SFI1: variants seen among roughly 807,000 people sequenced by gnomAD.
SFI1 encodes the protein protein SFI1 homolog.
SFI1 carries 195 observed loss-of-function variants against 207.5 expected under a neutral mutation model. That is an observed-to-expected ratio of 0.94 (90% confidence interval 0.84 to 1.06). The LOEUF (loss-of-function observed/expected upper bound fraction) is 1.06. Ranked by LOEUF, SFI1 falls within the 50% of genes least tolerant of loss-of-function variation. SFI1 has a pLI of 0.00. For missense variants in SFI1, 1,634 were observed against 1,588.0 expected (o/e 1.03, Z -0.49); for synonymous variants, 630 against 598.9 (o/e 1.05, Z -0.76).
intron 14 of SFI1, among the ~76,000 whole-genome samples, chr22:31,586,398 G>A (rs1452060953): frequency 6.6e-6 from 1 of 152,168 alleles, no homozygotes; most frequent in Admixed American, 6.5e-5. Context: ...CTTGGCATGG[G>A]ATATGTGCTA....
At chr22:31,591,532 C>T (rs1345690490) in intron 15 of SFI1, among the ~76,000 whole-genome samples, 2 of 149,070 alleles carry the variant, frequency 1.3e-5, no homozygotes, top group Non-Finnish European at 3.0e-5. Context: ...CCTCACTTCC[C>T]AGTAGGGGTG....
chr22:31,509,803 T>C (rs2055222617), intron 2 of SFI1, among the ~76,000 whole-genome samples: 1 of 152,192 alleles, frequency 6.6e-6, no homozygotes, highest in African/African-American at 2.4e-5. Context: ...TGGTCTTTTA[T>C]TTTTCTTTTT....
chr22:31,558,491 T>C (rs947487288), intron 7 of SFI1, among the ~76,000 whole-genome samples: 1 of 151,700 alleles, frequency 6.6e-6, no homozygotes, highest in Admixed American at 6.6e-5. Flanking sequence ...TTTTATGAGA[T>C]GGAGTCTCAC....
chr22:31,539,274 A>T (rs1257885970), intron 4 of SFI1, among the ~76,000 whole-genome samples: 2 of 152,046 alleles, frequency 1.3e-5, no homozygotes. Flanking sequence ...GTATCTTCTC[A>T]GGAGGTAGTC....
chr22:31,561,561 A>G (rs1410390769), intron 8 of SFI1, among the ~76,000 whole-genome samples, 169 bp downstream of exon 8: 1 of 152,198 alleles, frequency 6.6e-6, no homozygotes, highest in East Asian at 1.9e-4. Flanking sequence ...GTTAGGAATA[A>G]AGTAGAGGCT....
At chr22:31,603,887 C>A in intron 18 of SFI1, 68 bp downstream of exon 18, 1 of 1,444,964 alleles carries the variant, frequency 6.9e-7, no homozygotes, top group Non-Finnish European at 9.3e-7. Context: ...GTCAGCAGGA[C>A]TCACAGGCAA....
intron 9 of SFI1, 118 bp from the exon 10 acceptor site, chr22:31,575,112 GT>G: frequency 5.2e-6 from 3 of 577,696 alleles, no homozygotes; most frequent in Non-Finnish European, 8.5e-6. Flanking sequence ...GTGTGTGTGT[GT>G]GTGTGTGTGG....
At chr22:31,517,226 C>G (rs1002517638) in intron 2 of SFI1, among the ~76,000 whole-genome samples, 4 of 151,906 alleles carry the variant, frequency 2.6e-5, no homozygotes, top group Admixed American at 2.0e-4. Flanking sequence ...GAATCTATTT[C>G]TTCCCTGATG....
chr22:31,593,752 G>A (rs1366580126), intron 15 of SFI1, among the ~76,000 whole-genome samples: 5 of 150,774 alleles, frequency 3.3e-5, no homozygotes, highest in Non-Finnish European at 5.9e-5. Flanking sequence ...CTGGCACCTC[G>A]GGAGGCCGAG....
chr22:31,611,539 G>T (rs895430222), intron 23 of SFI1, among the ~76,000 whole-genome samples: 1 of 152,312 alleles, frequency 6.6e-6, no homozygotes, highest in African/African-American at 2.4e-5. Context: ...ACGGCTCAGC[G>T]GAAAAACCCG....
At chr22:31,563,511 G>A (rs2061940375) in intron 8 of SFI1, among the ~76,000 whole-genome samples, 1 of 152,196 alleles carries the variant, frequency 6.6e-6, no homozygotes, top group South Asian at 2.1e-4. Context: ...GAGCCACTTT[G>A]AGAGGCCATA....
At chr22:31,530,874 T>C (rs1476523827) in intron 3 of SFI1, 184 bp from the exon 4 acceptor site, 6 of 583,930 alleles carry the variant, frequency 1.0e-5, no homozygotes, top group Non-Finnish European at 1.8e-5. Flanking sequence ...TGCTTGATTT[T>C]AGCTTTATAA....
At chr22:31,574,599 G>T (rs1427045341) in intron 9 of SFI1, among the ~76,000 whole-genome samples, 1 of 152,274 alleles carries the variant, frequency 6.6e-6, no homozygotes, top group East Asian at 1.9e-4. Context: ...CTTTTTGAAA[G>T]TAACAGTTTT....
At chr22:31,556,914 T>G in intron 6 of SFI1, 28 bp from the exon 7 acceptor site, 2 of 1,526,900 alleles carry the variant, frequency 1.3e-6, no homozygotes, top group Non-Finnish European at 1.8e-6. Context: ...TCCCCATGCC[T>G]TTTGAAAAAT....
chr22:31,538,166 T>A (rs781006570), intron 4 of SFI1, among the ~76,000 whole-genome samples: 1 of 152,146 alleles, frequency 6.6e-6, no homozygotes, highest in African/African-American at 2.4e-5. Context: ...GAGACGGGGT[T>A]TCACCATGTT....
chr22:31,582,683 T>C (rs570240598), intron 12 of SFI1, among the ~76,000 whole-genome samples: 1 of 152,250 alleles, frequency 6.6e-6, no homozygotes, highest in African/African-American at 2.4e-5. Context: ...TCTAGAACTT[T>C]TTCATCTTGC....
intron 8 of SFI1, among the ~76,000 whole-genome samples, chr22:31,568,191 GTGT>G (rs1376030944): frequency 0.022 from 1,824 of 81,902 alleles, 34 homozygotes; most frequent in African/African-American, 0.058. Context: ...GTGTGTGTGT[GTGT>G]TGTGTGTGTG....
intron 2 of SFI1, among the ~76,000 whole-genome samples, chr22:31,522,130 C>T (rs1029351349): frequency 7.2e-6 from 1 of 139,316 alleles, no homozygotes; most frequent in African/African-American, 2.7e-5. Flanking sequence ...TGCAGTGGCA[C>T]AATCTCTGCT....
chr22:31,520,005 A>G (rs922389635), intron 2 of SFI1, among the ~76,000 whole-genome samples: 1 of 151,784 alleles, frequency 6.6e-6, no homozygotes, highest in African/African-American at 2.4e-5. Context: ...GGCTCAAGTG[A>G]TCCACCCGCC....
Sources: allele counts gnomAD v4.1 joint callset (sites outside exome capture counted in the v4.1 genomes callset), GRCh38; gene constraint gnomAD v4.1.1; transcripts MANE v1.5; gene names NCBI Gene and HGNC (gene_info 2026-07-23, HGNC 2026-07-21).